Variants in GALNT13 observed in about 807,000 individuals in gnomAD.
GALNT13 encodes UDP-GalNAc:polypeptide N-acetylgalactosaminyltransferase 13.
In GALNT13, 28 loss-of-function variants were observed where a neutral mutation model predicts 64.2. The observed-to-expected ratio is 0.44, with a 90% CI of 0.32 to 0.60. GALNT13 has a LOEUF of 0.60. Among genes scored for constraint, GALNT13 ranks in the 20% least tolerant of loss-of-function variants. The pLI is 0.05. For missense variants in GALNT13, 577 were observed against 669.8 expected (o/e 0.86, Z 1.53); for synonymous variants, 214 against 224.6 (o/e 0.95, Z 0.42).
intron 9 of GALNT13, among the ~76,000 whole-genome samples, chr2:154,379,992 A>T (rs868307996): frequency 1.3e-4 from 20 of 152,094 alleles, no homozygotes; most frequent in Admixed American, 2.6e-4. Context: ...AAGAAATAAA[A>T]TTAAACTTAA....
intron 3 of GALNT13, among the ~76,000 whole-genome samples, chr2:154,045,943 TGTTCAATACA>T (rs1049300716): frequency 2.6e-5 from 4 of 152,160 alleles, no homozygotes; most frequent in African/African-American, 9.7e-5. Flanking sequence ...TTTTTTTTCC[TGTTCAATACA>T]GTTTTTTTTT....
At chr2:154,232,017 A>G (rs896923491) in intron 4 of GALNT13, among the ~76,000 whole-genome samples, 1 of 151,908 alleles carries the variant, frequency 6.6e-6, no homozygotes, top group African/African-American at 2.4e-5. Flanking sequence ...TTACAACCAA[A>G]GAAACTGAAG....
At chr2:154,019,932 A>G (rs1252699349) in intron 3 of GALNT13, among the ~76,000 whole-genome samples, 4 of 150,294 alleles carry the variant, frequency 2.7e-5, no homozygotes, top group South Asian at 2.1e-4. Flanking sequence ...GTTCCCACCT[A>G]TGAGTGAGAA....
At chr2:153,170,305 T>C in the GALNT13 span, among the ~76,000 whole-genome samples, 1 of 152,296 alleles carries the variant, frequency 6.6e-6, no homozygotes, top group South Asian at 2.1e-4. Context: ...TCTTTTAAGC[T>C]AATTGTTTTT....
the GALNT13 span, among the ~76,000 whole-genome samples, chr2:153,632,261 A>G: frequency 6.6e-6 from 1 of 152,248 alleles, no homozygotes; most frequent in African/African-American, 2.4e-5. Context: ...GAAAGTACAG[A>G]GTTCCCATAT....
chr2:153,203,906 A>G, the GALNT13 span, among the ~76,000 whole-genome samples: 1 of 152,256 alleles, frequency 6.6e-6, no homozygotes, highest in East Asian at 1.9e-4. Context: ...TACACTAAAT[A>G]TTGTAAAAAG....
intron 9 of GALNT13, among the ~76,000 whole-genome samples, chr2:154,334,687 A>G (rs781351916): frequency 1.3e-5 from 2 of 151,980 alleles, no homozygotes; most frequent in Non-Finnish European, 2.9e-5. Context: ...GACTTTGTGT[A>G]TATCTCTCCG....
chr2:154,011,869 A>G (rs1237673022), intron 3 of GALNT13, among the ~76,000 whole-genome samples: 1 of 152,190 alleles, frequency 6.6e-6, no homozygotes, highest in Non-Finnish European at 1.5e-5. Context: ...TTTGTCTTAA[A>G]TTAGAATAGC....
At chr2:153,653,855 T>C in the GALNT13 span, among the ~76,000 whole-genome samples, 3 of 152,166 alleles carry the variant, frequency 2.0e-5, no homozygotes, top group Non-Finnish European at 4.4e-5. Context: ...TTTCATGTCA[T>C]AGAGAATAAA....
chr2:153,361,026 C>T, the GALNT13 span, among the ~76,000 whole-genome samples: 1 of 151,126 alleles, frequency 6.6e-6, no homozygotes, highest in South Asian at 2.1e-4. Flanking sequence ...GAGCAGGCAC[C>T]CATTTTTGAT....
At chr2:154,338,852 A>G (rs1029228281) in intron 9 of GALNT13, among the ~76,000 whole-genome samples, 2 of 152,050 alleles carry the variant, frequency 1.3e-5, no homozygotes, top group African/African-American at 4.8e-5. Flanking sequence ...AGGCTCCCTC[A>G]TGAGTTGTCT....
At chr2:154,258,156 C>A (rs1301252983) in intron 7 of GALNT13, among the ~76,000 whole-genome samples, 1 of 152,118 alleles carries the variant, frequency 6.6e-6, no homozygotes, top group African/African-American at 2.4e-5. Context: ...TTCTTTTTAA[C>A]CTTTAATTTG....
the GALNT13 span, among the ~76,000 whole-genome samples, chr2:153,213,758 T>C: frequency 6.6e-6 from 1 of 152,206 alleles, no homozygotes; most frequent in African/African-American, 2.4e-5. Context: ...ATGGACACTA[T>C]ATCTATCTTC....
intron 3 of GALNT13, among the ~76,000 whole-genome samples, chr2:154,130,019 C>G (rs1008176450): frequency 6.6e-6 from 1 of 152,128 alleles, no homozygotes; most frequent in Non-Finnish European, 1.5e-5. Context: ...TTTCCTTTCA[C>G]TCACTGACTT....
At chr2:153,400,117 G>C in the GALNT13 span, among the ~76,000 whole-genome samples, 1 of 151,950 alleles carries the variant, frequency 6.6e-6, no homozygotes, top group African/African-American at 2.4e-5. Context: ...CTAATTTATT[G>C]AGAGTTTTTA....
At chr2:153,367,403 G>C in the GALNT13 span, among the ~76,000 whole-genome samples, 1 of 152,060 alleles carries the variant, frequency 6.6e-6, no homozygotes, top group African/African-American at 2.4e-5. Context: ...ATCCGTCAAG[G>C]TGTCCATGTC....
intron 1 of GALNT13, among the ~76,000 whole-genome samples, chr2:153,875,173 C>T (rs1357497402): frequency 1.3e-5 from 2 of 151,836 alleles, no homozygotes; most frequent in Non-Finnish European, 2.9e-5. Context: ...CCTAAAGTAC[C>T]TGGAAACATA....
At chr2:153,327,102 T>A in the GALNT13 span, among the ~76,000 whole-genome samples, 37 of 150,790 alleles carry the variant, frequency 2.5e-4, 1 homozygote, top group South Asian at 2.7e-3. Flanking sequence ...AAAAAAAAAA[T>A]AAATAAATAA....
chr2:154,037,239 G>T (rs185516445), intron 3 of GALNT13, among the ~76,000 whole-genome samples: 2 of 152,076 alleles, frequency 1.3e-5, no homozygotes, highest in Non-Finnish European at 2.9e-5. Flanking sequence ...TGTGTGTGGT[G>T]GTTCTGCCAC....
Sources: allele counts gnomAD v4.1 joint callset (sites outside exome capture counted in the v4.1 genomes callset), GRCh38; gene constraint gnomAD v4.1.1; transcripts MANE v1.5; gene names NCBI Gene and HGNC (gene_info 2026-07-23, HGNC 2026-07-21).